Variants in DPP10 observed in about 807,000 individuals in gnomAD.
DPP10 encodes the protein inactive dipeptidyl peptidase 10.
A neutral mutation model predicts 120.9 loss-of-function variants in DPP10; 33 were observed. That is an observed-to-expected ratio of 0.27 (90% CI 0.21 to 0.37). The LOEUF (loss-of-function observed/expected upper bound fraction) is 0.37. DPP10 is among the 10% of genes least tolerant of loss of function. The pLI is 1.00. For synonymous variants in DPP10, 337 were observed against 326.1 expected (o/e 1.03, Z -0.36); for missense variants, 816 against 942.8 (o/e 0.87, Z 1.76).
At chr2:115,806,527 T>C (rs1685991076) in intron 19 of DPP10, among the ~76,000 whole-genome samples, 1 of 152,072 alleles carries the variant, frequency 6.6e-6, no homozygotes, top group Non-Finnish European at 1.5e-5. Flanking sequence ...TAAAGGATTA[T>C]ATAGTTAGAA....
chr2:115,842,102 G>A, intron 25 of DPP10, 109 bp from the exon 26 acceptor site: 1 of 1,147,568 alleles, frequency 8.7e-7, no homozygotes, highest in Non-Finnish European at 1.2e-6. Flanking sequence ...TTTGATTTTG[G>A]TCAGATATTA....
intron 5 of DPP10, among the ~76,000 whole-genome samples, chr2:115,604,960 T>C (rs1278194494): frequency 3.3e-5 from 5 of 152,190 alleles, no homozygotes; most frequent in African/African-American, 1.2e-4. Context: ...ATTTGATATA[T>C]CTTTATAAGC....
intron 1 of DPP10, chr2:115,161,863 C>G: frequency 3.2e-6 from 4 of 1,234,992 alleles, no homozygotes; most frequent in Non-Finnish European, 4.2e-6. Flanking sequence ...ATTCCGGGAG[C>G]GACGGGCGCC....
At chr2:115,350,570 G>C (rs1341434403) in intron 3 of DPP10, among the ~76,000 whole-genome samples, 1 of 152,066 alleles carries the variant, frequency 6.6e-6, no homozygotes, top group African/African-American at 2.4e-5. Context: ...TATTCTGCCT[G>C]TGCCTTTTTT....
intron 1 of DPP10, among the ~76,000 whole-genome samples, chr2:115,157,403 A>G (rs1022145926): frequency 1.2e-4 from 18 of 152,298 alleles, no homozygotes; most frequent in South Asian, 4.1e-4. Context: ...ATGAATTTTT[A>G]TAACAGGAAA....
chr2:114,848,857 G>T (rs796948489), intron 1 of DPP10, among the ~76,000 whole-genome samples: 20 of 152,230 alleles, frequency 1.3e-4, no homozygotes, highest in African/African-American at 4.8e-4. Context: ...TTATAAACAA[G>T]GGAATTTATT....
chr2:115,002,662 G>A (rs377551320), intron 1 of DPP10, among the ~76,000 whole-genome samples: 1 of 151,940 alleles, frequency 6.6e-6, no homozygotes, highest in East Asian at 1.9e-4. Flanking sequence ...TTAAACAAAT[G>A]TACAAGAAAA....
intron 1 of DPP10, among the ~76,000 whole-genome samples, chr2:115,252,829 A>G (rs1409662832): frequency 6.6e-6 from 1 of 152,220 alleles, no homozygotes; most frequent in East Asian, 1.9e-4. Context: ...TTTAAATGAA[A>G]AATCTCTCTT....
At chr2:115,383,768 T>G (rs140817249) in intron 3 of DPP10, among the ~76,000 whole-genome samples, 1 of 152,298 alleles carries the variant, frequency 6.6e-6, no homozygotes, top group African/African-American at 2.4e-5. Context: ...ATCTCTTATA[T>G]AATAATGATT....
At chr2:115,491,359 A>C (rs2076110796) in intron 3 of DPP10, among the ~76,000 whole-genome samples, 1 of 152,110 alleles carries the variant, frequency 6.6e-6, no homozygotes, top group African/African-American at 2.4e-5. Context: ...GAAACACGAA[A>C]CACGGCTGGC....
At chr2:115,400,342 A>G (rs1031659072) in intron 3 of DPP10, among the ~76,000 whole-genome samples, 1 of 152,186 alleles carries the variant, frequency 6.6e-6, no homozygotes, top group East Asian at 1.9e-4. Context: ...TTAGGGAACT[A>G]GAAGTAAATT....
At chr2:115,719,497 A>G (rs1469001801) in intron 7 of DPP10, among the ~76,000 whole-genome samples, 1 of 152,210 alleles carries the variant, frequency 6.6e-6, no homozygotes. Context: ...AAATGAAAGC[A>G]GTGCTTTATA....
intron 8 of DPP10, among the ~76,000 whole-genome samples, chr2:115,735,579 G>T (rs1266085205): frequency 6.6e-6 from 1 of 150,998 alleles, no homozygotes; most frequent in Non-Finnish European, 1.5e-5. Flanking sequence ...GGAGTGCAGT[G>T]GCACGATCCC....
chr2:115,740,836 A>G (rs892195072), intron 9 of DPP10, among the ~76,000 whole-genome samples: 4 of 152,152 alleles, frequency 2.6e-5, no homozygotes, highest in Non-Finnish European at 5.9e-5. Context: ...CATGTAAAGA[A>G]GTCTTATGGG....
chr2:114,529,332 A>G (rs1182481108), intron 1 of DPP10, among the ~76,000 whole-genome samples: 4 of 152,170 alleles, frequency 2.6e-5, no homozygotes, highest in Non-Finnish European at 5.9e-5. Context: ...GCCCACTTCA[A>G]AACTGCTCTT....
intron 16 of DPP10, among the ~76,000 whole-genome samples, chr2:115,782,105 T>C (rs1477577010): frequency 6.6e-6 from 1 of 151,888 alleles, no homozygotes; most frequent in Non-Finnish European, 1.5e-5. Flanking sequence ...CATAGAAATA[T>C]AGAACATTTG....
chr2:115,772,801 A>G (rs1471339764), intron 13 of DPP10, among the ~76,000 whole-genome samples: 1 of 152,184 alleles, frequency 6.6e-6, no homozygotes, highest in Non-Finnish European at 1.5e-5. Context: ...TCAAAGGTAT[A>G]GCACCTTTTT....
At chr2:115,005,774 C>G (rs898700140) in intron 1 of DPP10, among the ~76,000 whole-genome samples, 6 of 152,128 alleles carry the variant, frequency 3.9e-5, no homozygotes, top group Non-Finnish European at 7.4e-5. Context: ...GAGAATGGAA[C>G]CAAGTTGGAA....
intron 1 of DPP10, among the ~76,000 whole-genome samples, chr2:114,758,536 C>A (rs565452184): frequency 1.3e-5 from 2 of 152,126 alleles, no homozygotes; most frequent in South Asian, 2.1e-4. Flanking sequence ...GAGGGCCAGG[C>A]CTATATTACT....
Sources: gnomAD v4.1 joint callset for allele counts (sites outside exome capture counted in the v4.1 genomes callset) on GRCh38, gnomAD v4.1.1 for gene constraint, MANE v1.5 for transcripts, NCBI Gene and HGNC (gene_info 2026-07-23, HGNC 2026-07-21) for gene names.